Variants in SPRY3 observed in about 807,000 individuals in gnomAD.
SPRY3 encodes protein sprouty homolog 3.
In SPRY3, 15 loss-of-function variants were observed where a neutral mutation model predicts 20.2. The ratio of observed to expected loss-of-function variants is 0.74; its 90% CI spans 0.50 to 1.14. SPRY3 has a LOEUF of 1.14. SPRY3 is among the 50% of genes most tolerant of loss of function. SPRY3 has a pLI of 0.00. For synonymous variants in SPRY3, 143 were observed against 136.5 expected (o/e 1.05, Z -0.33); for missense variants, 364 against 363.9 (o/e 1.00, Z 0.00).
In SPRY3 at chrX:155,630,972, C is replaced by T. The variant is rs190559529; in HGVS notation, c.-441+18325C>T. Among the ~76,000 whole-genome samples, 485 of 108,801 alleles carry T rather than the reference C, an allele frequency of 4.5e-3. 2 individuals are homozygous for T. The highest frequency in any genetic ancestry group is 9.4e-3 in the African/African-American group (281 of 29,808). The allele number at this position is 108,801 out of a possible 115,157, so 94.5% of individuals were successfully genotyped here. A position where few individuals can be genotyped will look rare whatever the true frequency, so the allele number is the denominator to read the frequency against. On this transcript the variant is annotated intron_variant, in intron 1 of 3. Coordinates refer to ENST00000675360, the Ensembl canonical transcript of SPRY3. Reference sequence around the variant, plus strand: ...TTTATTTCAACTTTTATTTTAGATACGGGGGTACATGTGCAGGCTTGTCAC... The same window carrying T: ...TTTATTTCAACTTTTATTTTAGATATGGGGGTACATGTGCAGGCTTGTCAC...
chrX:155,751,956 AATAAAATAAAAT>A (rs2091265197), intron 2 of SPRY3, among the ~76,000 whole-genome samples: 1 of 148,318 alleles, frequency 6.7e-6, no homozygotes, highest in African/African-American at 2.5e-5. Context: ...AATAAAATAA[AATAAAATAAAAT>A]AAAATAAAAT....
intron 3 of SPRY3, among the ~76,000 whole-genome samples, chrX:155,773,312 A>T (rs1312140459): frequency 3.1e-5 from 4 of 127,780 alleles, no homozygotes; most frequent in East Asian, 2.1e-4. Context: ...GATTGGATAT[A>T]TATATATATA....
intron 1 of SPRY3, among the ~76,000 whole-genome samples, chrX:155,616,784 G>A (rs2067855280): frequency 9.0e-6 from 1 of 110,795 alleles, no homozygotes. Flanking sequence ...CAGTTTTCCT[G>A]GGGCTGAGGA....
At chrX:155,645,482 G>A (rs1186100354) in intron 1 of SPRY3, among the ~76,000 whole-genome samples, 1 of 111,933 alleles carries the variant, frequency 8.9e-6, no homozygotes, top group Non-Finnish European at 1.9e-5. Flanking sequence ...CAGTACTCAA[G>A]TTCTGACTAC....
chrX:155,664,728 T>C (rs1557354133), intron 2 of SPRY3, among the ~76,000 whole-genome samples: 1 of 109,989 alleles, frequency 9.1e-6, no homozygotes, highest in East Asian at 2.8e-4. Context: ...TTCTGGCAGG[T>C]TTAAACCCTA....
chrX:155,705,901 A>G (rs1315589477), intron 2 of SPRY3, among the ~76,000 whole-genome samples: 2 of 151,346 alleles, frequency 1.3e-5, no homozygotes, highest in East Asian at 3.8e-4. Flanking sequence ...AAATTGAAGA[A>G]TACAGAAATC....
In SPRY3 at chrX:155,731,016, C is replaced by CA. The variant is rs1194438487; in HGVS notation, c.-281-36938dup. 6.0e-5 allele frequency among the ~76,000 whole-genome samples: 9 copies of CA among 151,230 alleles called. No homozygotes were observed. In the South Asian group the frequency reaches 8.4e-4, roughly 14 times the overall value. ...GATGAAAGAAATTGCAGAGGACATA[C>CA]AAAAAAAAGAAAAGATATTCTATGT... On this transcript the variant is annotated intron_variant, in intron 2 of 3. Coordinates refer to ENST00000675360, the Ensembl canonical transcript of SPRY3.
intron 2 of SPRY3, among the ~76,000 whole-genome samples, chrX:155,715,620 C>T (rs1193805840): frequency 6.6e-6 from 1 of 152,140 alleles, no homozygotes; most frequent in Non-Finnish European, 1.5e-5. Context: ...AGTCCACTGG[C>T]TCTGAGCCCA....
chrX:155,725,365 A>G (rs1432209833), intron 2 of SPRY3, among the ~76,000 whole-genome samples: 2 of 152,214 alleles, frequency 1.3e-5, no homozygotes. Context: ...CTCTTTTTCT[A>G]TTAATTGGAA....
intron 2 of SPRY3, among the ~76,000 whole-genome samples, chrX:155,716,600 T>C (rs1284772489): frequency 2.0e-5 from 3 of 152,142 alleles, no homozygotes; most frequent in Non-Finnish European, 4.4e-5. Flanking sequence ...TTTACTTTTT[T>C]GTTTTTCTTT....
intron 3 of SPRY3, among the ~76,000 whole-genome samples, chrX:155,768,739 A>C (rs1182140122): frequency 6.6e-6 from 1 of 152,214 alleles, no homozygotes. Flanking sequence ...TGTGTGGCAT[A>C]TGGAGATTCT....
chrX:155,685,830 C>T (rs1408008983), intron 2 of SPRY3, among the ~76,000 whole-genome samples: 4 of 110,954 alleles, frequency 3.6e-5, no homozygotes, highest in African/African-American at 6.6e-5. Context: ...TGCAGTGGCG[C>T]GATCTCAGCT....
intron 2 of SPRY3, among the ~76,000 whole-genome samples, chrX:155,696,329 C>T (rs1183207647): frequency 1.8e-5 from 2 of 109,497 alleles, no homozygotes; most frequent in Non-Finnish European, 3.8e-5. Flanking sequence ...CCGTACAGCA[C>T]TTATCATGTC....
chrX:155,622,864 C>A (rs1343565189), intron 1 of SPRY3, among the ~76,000 whole-genome samples: 1 of 112,230 alleles, frequency 8.9e-6, no homozygotes, highest in East Asian at 2.8e-4. Flanking sequence ...ATCCAGCATT[C>A]ATTAAGGGGT....
chrX:155,724,571 G>A lies in SPRY3; in HGVS notation c.-281-43391G>A, dbSNP rs780830584. ...ATTTTATTCTCTTTGAAGCAATTGT[G>A]AATGGGAGTTCCCTCATGATTTGGC... On this transcript the variant is annotated intron_variant, in intron 2 of 3. Coordinates refer to ENST00000675360, the Ensembl canonical transcript of SPRY3. Among the ~76,000 whole-genome samples, 13 of 152,262 alleles carry A rather than the reference G, an allele frequency of 8.5e-5. 1 individual carries two copies. In the East Asian group the frequency reaches 2.5e-3, roughly 29 times the overall value.
intron 2 of SPRY3, among the ~76,000 whole-genome samples, chrX:155,746,057 T>C (rs980685215): frequency 6.6e-6 from 1 of 152,066 alleles, no homozygotes; most frequent in Non-Finnish European, 1.5e-5. Context: ...GCTTGTTTTG[T>C]AATTCAATCT....
chrX:155,731,106 T>C (rs952804318), intron 2 of SPRY3, among the ~76,000 whole-genome samples: 3 of 151,984 alleles, frequency 2.0e-5, no homozygotes, highest in African/African-American at 7.2e-5. Flanking sequence ...TACAGATTCA[T>C]AGCAATCCCT....
At chrX:155,654,951 G>A (rs782210060) in intron 1 of SPRY3, among the ~76,000 whole-genome samples, 1 of 111,206 alleles carries the variant, frequency 9.0e-6, no homozygotes, top group Non-Finnish European at 1.9e-5. Context: ...ACTGTTTTCT[G>A]TAGAGGTTGT....
At chrX:155,763,118 A>G (rs748927386) in intron 2 of SPRY3, among the ~76,000 whole-genome samples, 23 of 152,132 alleles carry the variant, frequency 1.5e-4, no homozygotes, top group Admixed American at 1.4e-3. Flanking sequence ...GGAACAACAA[A>G]AAAAAACCCC....
Sources: allele counts gnomAD v4.1 joint callset (sites outside exome capture counted in the v4.1 genomes callset), GRCh38; gene constraint gnomAD v4.1.1; transcripts MANE v1.5; gene names NCBI Gene and HGNC (gene_info 2026-07-23, HGNC 2026-07-21).